NPIPB2: variants seen among roughly 807,000 people sequenced by gnomAD.
NPIPB2 encodes nuclear pore complex-interacting protein family member B2.
A neutral mutation model predicts 30.8 loss-of-function variants in NPIPB2; 27 were observed. That is an observed-to-expected ratio of 0.88 (90% CI 0.65 to 1.21). The LOEUF (loss-of-function observed/expected upper bound fraction) is 1.21. NPIPB2 is among the 50% of genes most tolerant of loss of function. The pLI is 0.00. For synonymous variants in NPIPB2, 147 were observed against 162.0 expected (o/e 0.91, Z 0.70); for missense variants, 440 against 446.2 (o/e 0.99, Z 0.13).
intron 4 of NPIPB2, among the ~76,000 whole-genome samples, chr16:11,933,277 G>A (rs940432851): frequency 6.6e-5 from 10 of 151,108 alleles, no homozygotes; most frequent in Admixed American, 6.6e-4. Flanking sequence ...AAGAGACAGA[G>A]AAAGGAAAAC....
At chr16:11,968,735 C>T (rs1247637657) in intron 1 of NPIPB2, 1 of 152,170 alleles carries the variant, frequency 6.6e-6, no homozygotes, top group African/African-American at 2.4e-5. Context: ...TGCAAACAAC[C>T]TCAATCATCC....
At position 11,976,551 on chromosome 16, in the gene NPIPB2, C is replaced by CG. The variant is rs1440962524; in HGVS notation, c.-584+16dup. The CG allele has an allele frequency of 2.5e-5, 9 of 357,698 alleles. No individual in the cohort carries two copies. The Admixed American group carries it at 4.2e-4, about 17-fold the overall frequency. The allele number at this position is 357,698 out of a possible 1,614,324, so 22.2% of individuals were successfully genotyped here. A position where few individuals can be genotyped will look rare whatever the true frequency, so the allele number is the denominator to read the frequency against. On this transcript the variant is annotated intron_variant, in intron 1 of 5. Transcript: ENST00000538896. ...ACTTGGGGACAGCGACGCCTCCTCG[C>CG]GGGGTCTCGGGTTTACCCTGAGTCT...
chr16:11,948,683 C>T (rs529597326), intron 1 of NPIPB2, among the ~76,000 whole-genome samples: 5 of 133,782 alleles, frequency 3.7e-5, no homozygotes, highest in African/African-American at 1.1e-4. Context: ...AGGAGAATGG[C>T]GTGAACCCGG....
At chr16:11,931,773 C>T (rs1295847431) in intron 4 of NPIPB2, among the ~76,000 whole-genome samples, 1 of 148,708 alleles carries the variant, frequency 6.7e-6, no homozygotes, top group African/African-American at 2.5e-5. Context: ...ATGGGGGACA[C>T]CAAACAGAAT....
intron 1 of NPIPB2, among the ~76,000 whole-genome samples, chr16:11,947,786 A>G (rs945431018): frequency 6.6e-6 from 1 of 151,606 alleles, no homozygotes; most frequent in Non-Finnish European, 1.5e-5. Context: ...TATTGGCCCA[A>G]GGTGTGGCAT....
intron 1 of NPIPB2, chr16:11,965,332 A>C: frequency 6.2e-7 from 1 of 1,614,172 alleles, no homozygotes; most frequent in South Asian, 1.1e-5. Context: ...ATCATGTTGC[A>C]GATGGCTGGG....
At chr16:11,930,593 A>C (rs1234132652) in intron 4 of NPIPB2, 42 bp from the exon 5 acceptor site, 17 of 1,490,656 alleles carry the variant, frequency 1.1e-5, no homozygotes, top group African/African-American at 1.4e-5. Context: ...ATGATCCACC[A>C]GCCCGTGTGG....
chr16:11,976,311 C>G (rs2055295753), intron 1 of NPIPB2, among the ~76,000 whole-genome samples: 1 of 152,236 alleles, frequency 6.6e-6, no homozygotes, highest in African/African-American at 2.4e-5. Flanking sequence ...AACACTTTCC[C>G]TGGGGATCTT....
intron 1 of NPIPB2, chr16:11,941,035 C>G (rs2054932070): frequency 9.8e-6 from 9 of 920,300 alleles, no homozygotes; most frequent in Non-Finnish European, 1.3e-5. Context: ...TAGTCTTCAA[C>G]TCCTGGACTC....
chr16:11,969,369 G>C (rs2055220471), intron 1 of NPIPB2, among the ~76,000 whole-genome samples: 1 of 152,010 alleles, frequency 6.6e-6, no homozygotes, highest in Non-Finnish European at 1.5e-5. Context: ...GCAATTCTCT[G>C]CCTCAGCCAC....
At chr16:11,941,701 C>A (rs1304454296) in intron 1 of NPIPB2, 312 of 705,840 alleles carry the variant, frequency 4.4e-4, no homozygotes, top group Non-Finnish European at 7.1e-4. Flanking sequence ...TCCCTGATGA[C>A]CCCGGTGGTG....
chr16:11,965,611 AAAGT>A (rs2055187268), intron 1 of NPIPB2, among the ~76,000 whole-genome samples: 2 of 152,238 alleles, frequency 1.3e-5, no homozygotes, highest in Admixed American at 6.5e-5. Flanking sequence ...TTATGGAAAC[AAAGT>A]AATTATTTGG....
chr16:11,948,553 T>C (rs1032367455), intron 1 of NPIPB2, among the ~76,000 whole-genome samples: 1 of 151,530 alleles, frequency 6.6e-6, no homozygotes, highest in Non-Finnish European at 1.5e-5. Flanking sequence ...GATCACGAGG[T>C]CAGGAGATCG....
exon 8 of NPIPB2, chr16:11,927,571 T>A: frequency 6.2e-7 from 1 of 1,607,314 alleles, no homozygotes; most frequent in Non-Finnish European, 8.5e-7. Flanking sequence ...GTGGTTTTTC[T>A]GCCTCAGCCT....
chr16:11,955,809 C>T (rs886377765), intron 1 of NPIPB2, among the ~76,000 whole-genome samples: 9 of 122,668 alleles, frequency 7.3e-5, no homozygotes, highest in Admixed American at 5.2e-4. Context: ...CCCAATGATG[C>T]TTCTTGGGAA....
chr16:11,941,506 A>G (rs1203048261), intron 1 of NPIPB2, among the ~76,000 whole-genome samples: 1 of 151,188 alleles, frequency 6.6e-6, no homozygotes, highest in African/African-American at 2.4e-5. Context: ...TAAGTTCTCA[A>G]GCGCTGGTGG....
At position 11,927,416 on chromosome 16, in the gene NPIPB2, C is replaced by T. The variant is rs970968012; in HGVS notation, c.1151G>A (p.Arg384Gln). ...GCCTGTTCTCAGCTTACTCAACCTC[C>T]GCCTCTTGGGCTCGGGTGATGATGG... The change falls in exon 8 of 8, where the codon CGG (arginine) becomes CAG (glutamine). Residue 384 changes from arginine (R) to glutamine (Q), a missense_variant. Arg to Gln is a conservative substitution (Grantham distance 43). Around this residue, in one of 3 missense-constraint regions of NPIPB2, gnomAD observed 140 missense variants for 116.8 expected, o/e 1.20. Coordinates refer to ENST00000399147, the Ensembl canonical transcript of NPIPB2. The T allele has an allele frequency of 1.6e-5, 18 of 1,091,558 alleles. No homozygotes were observed. The East Asian group carries it at 2.6e-4, about 16-fold the overall frequency. The allele number at this position is 1,091,558 out of a possible 1,614,324, so 67.6% of individuals were successfully genotyped here.
At chr16:11,967,600 A>C in intron 1 of NPIPB2, 2 of 1,613,934 alleles carry the variant, frequency 1.2e-6, no homozygotes, top group East Asian at 2.2e-5. Context: ...GCTAACATTG[A>C]CCTGGAAAAG....
chr16:11,969,877 G>A (rs1334971908), intron 1 of NPIPB2, among the ~76,000 whole-genome samples: 1 of 151,836 alleles, frequency 6.6e-6, no homozygotes, highest in Non-Finnish European at 1.5e-5. Flanking sequence ...TTATTTTTTT[G>A]AGACGGGGTC....
Sources: allele counts gnomAD v4.1 joint callset (sites outside exome capture counted in the v4.1 genomes callset), GRCh38; gene constraint gnomAD v4.1.1; regional missense constraint gnomAD v4.1.1; transcripts MANE v1.5; gene names NCBI Gene and HGNC (gene_info 2026-07-23, HGNC 2026-07-21).